PLEKHG1: variants seen among roughly 807,000 people sequenced by gnomAD.
PLEKHG1 encodes the protein pleckstrin homology domain-containing family G member 1.
Under a neutral mutation model 100.8 loss-of-function variants are expected in PLEKHG1, and 44 were observed. The observed-to-expected ratio is 0.44, with a 90% CI of 0.34 to 0.56. PLEKHG1 has a LOEUF of 0.56. Among genes scored for constraint, PLEKHG1 ranks in the 20% least tolerant of loss-of-function variants. The pLI is 0.01. For missense variants in PLEKHG1, 1,545 were observed against 1,720.9 expected (o/e 0.90, Z 1.81); for synonymous variants, 640 against 662.5 (o/e 0.97, Z 0.52).
chr6:150,753,298 G>GGT (rs1051744878), intron 2 of PLEKHG1, among the ~76,000 whole-genome samples: 2 of 151,916 alleles, frequency 1.3e-5, no homozygotes, highest in Non-Finnish European at 2.9e-5. Flanking sequence ...TTGTGGGGTG[G>GGT]GTGTGTGTGT....
In PLEKHG1 at chr6:150,818,232, T is replaced by C; in HGVS notation, c.1312+16T>C. On this transcript the variant is annotated intron_variant, in intron 11 of 15. Coordinates refer to ENST00000358517, the Ensembl canonical transcript of PLEKHG1. ...GATGCCATTCGTAAGTTTTATTTCC[T>C]TAAAACAATTTGAAATTTCATTGTC... 1 of 1,553,590 alleles carries C rather than the reference T, an allele frequency of 6.4e-7. No homozygotes were observed. Among genetic ancestry groups the C allele is most frequent in the Non-Finnish European group, 8.9e-7 (1 of 1,126,196 alleles).
chr6:150,699,789 G>A (rs1040109119), intron 3 of PLEKHG1, among the ~76,000 whole-genome samples: 2 of 152,152 alleles, frequency 1.3e-5, no homozygotes, highest in African/African-American at 4.8e-5. Context: ...TGAAGGCCAT[G>A]GATCCTCTTA....
At chr6:150,612,794 C>T (rs1776907987) in intron 1 of PLEKHG1, among the ~76,000 whole-genome samples, 1 of 152,188 alleles carries the variant, frequency 6.6e-6, no homozygotes, top group Non-Finnish European at 1.5e-5. Context: ...GCTTTACCTC[C>T]AGCATCCAGA....
chr6:150,810,050 C>T (rs1238233837), intron 10 of PLEKHG1, among the ~76,000 whole-genome samples: 4 of 152,006 alleles, frequency 2.6e-5, no homozygotes, highest in African/African-American at 7.2e-5. Flanking sequence ...AATCCCAGCA[C>T]GTTGGGAGGC....
intron 15 of PLEKHG1, among the ~76,000 whole-genome samples, chr6:150,838,417 TAA>T: frequency 6.6e-6 from 1 of 152,260 alleles, no homozygotes; most frequent in Non-Finnish European, 1.5e-5. Flanking sequence ...TTGAGATTTT[TAA>T]AAAGCTCATC....
intron 6 of PLEKHG1, among the ~76,000 whole-genome samples, chr6:150,804,175 A>ATATAT (rs1173213745): frequency 6.9e-5 from 3 of 43,172 alleles, no homozygotes; most frequent in Non-Finnish European, 1.2e-4. Context: ...ATATATATAT[A>ATATAT]TTTTTTTTTT....
In PLEKHG1 at chr6:150,622,158, G is replaced by A. The variant is rs117218973; in HGVS notation, c.-203-15922G>A. ...GAGAGCTGAATGAGCCTATCATGCT[G>A]TGGGGTCTCAGATGTATATAATTTT... On this transcript the variant is annotated intron_variant, in intron 1 of 3. Coordinates refer to the PLEKHG1 transcript ENST00000367326. 9.0e-3 allele frequency among the ~76,000 whole-genome samples: 1,378 copies of A among 152,308 alleles called. 13 individuals are homozygous for A. The highest frequency in any genetic ancestry group is 0.014 in the Non-Finnish European group (938 of 68,034).
chr6:150,709,216 C>T (rs1333309981), intron 3 of PLEKHG1, among the ~76,000 whole-genome samples: 1 of 152,078 alleles, frequency 6.6e-6, no homozygotes, highest in Non-Finnish European at 1.5e-5. Context: ...GCCTGTAGTT[C>T]CCAGCTACTT....
exon 16 of PLEKHG1, chr6:150,839,899 T>C (rs1305744868): frequency 6.2e-7 from 1 of 1,614,068 alleles, no homozygotes; most frequent in African/African-American, 1.3e-5. Flanking sequence ...CCCTTGAAAA[T>C]TCAGAAGGAT....
At chr6:150,776,291 G>A (rs1784958210) in intron 3 of PLEKHG1, among the ~76,000 whole-genome samples, 1 of 152,382 alleles carries the variant, frequency 6.6e-6, no homozygotes, top group Non-Finnish European at 1.5e-5. Context: ...AAGGCAAGAT[G>A]ACTCTAATTT....
At position 150,666,799 on chromosome 6, in the gene PLEKHG1, C is replaced by T. The variant is rs185890003; in HGVS notation, c.-99+16013C>T. Among the ~76,000 whole-genome samples, 1,019 of 149,940 alleles carry T rather than the reference C, an allele frequency of 6.8e-3. 13 individuals are homozygous for T. Among genetic ancestry groups the T allele is most frequent in the African/African-American group, 0.024 (962 of 40,778 alleles). ...TTTTTGAGATGGAGTCTCACTCTGT[C>T]GCCCAGGCTGGAGTGCAGTGGCGCA... is the stretch of plus-strand genomic sequence containing the variant. On this transcript the variant is annotated intron_variant, in intron 3 of 3. Coordinates refer to the PLEKHG1 transcript ENST00000367326.
At chr6:150,722,255 T>A (rs1275259427) in intron 1 of PLEKHG1, among the ~76,000 whole-genome samples, 2 of 152,110 alleles carry the variant, frequency 1.3e-5, no homozygotes, top group East Asian at 1.9e-4. Flanking sequence ...TTTAATCATT[T>A]TACATTGTAC....
rs1184165418 is a variant in PLEKHG1, at chr6:150,612,056, C to CG, written c.-204+12039_-204+12040insG. On this transcript the variant is annotated intron_variant, in intron 1 of 3. Coordinates refer to the PLEKHG1 transcript ENST00000367326. ...CTTCCTGGTGTTGTTCCCCCCCCCC[C>CG]CCCCTTTTCTAGTTCTTAGTTAATA... Among the ~76,000 whole-genome samples, 17 of 107,932 alleles carry CG rather than the reference C, an allele frequency of 1.6e-4. No homozygotes were observed. The South Asian group carries it at 6.3e-3, about 40-fold the overall frequency. 70.8% of individuals were successfully genotyped at this position (107,932 alleles called of 152,430 possible). A position where few individuals can be genotyped will look rare whatever the true frequency, so the allele number is the denominator to read the frequency against.
chr6:150,733,299 A>G (rs1236072781), intron 1 of PLEKHG1, among the ~76,000 whole-genome samples: 1 of 152,158 alleles, frequency 6.6e-6, no homozygotes, highest in Non-Finnish European at 1.5e-5. Flanking sequence ...GTGTTTCTCA[A>G]ACTTTAATGC....
intron 6 of PLEKHG1, among the ~76,000 whole-genome samples, chr6:150,804,262 T>C (rs1447928918): frequency 7.2e-6 from 1 of 139,234 alleles, no homozygotes; most frequent in Non-Finnish European, 1.5e-5. Flanking sequence ...TCTCAGCTCA[T>C]TGCAACCTCT....
At chr6:150,792,402 G>A (rs972093996) in intron 4 of PLEKHG1, among the ~76,000 whole-genome samples, 3 of 149,266 alleles carry the variant, frequency 2.0e-5, no homozygotes, top group Non-Finnish European at 3.0e-5. Context: ...GGCTGGGCGC[G>A]GTGGCTCACA....
chr6:150,720,148 T>C (rs2128608875), upstream of PLEKHG1, among the ~76,000 whole-genome samples: 1 of 152,342 alleles, frequency 6.6e-6, no homozygotes, highest in Admixed American at 6.5e-5. Context: ...TAATCCATAT[T>C]TTGAATTTGA....
chr6:150,751,470 A>G (rs903805619), intron 2 of PLEKHG1, among the ~76,000 whole-genome samples: 2 of 152,196 alleles, frequency 1.3e-5, no homozygotes, highest in African/African-American at 4.8e-5. Context: ...ATGACTAGCG[A>G]TGGCATCTCC....
At chr6:150,633,750 G>C (rs1777861510) in intron 1 of PLEKHG1, among the ~76,000 whole-genome samples, 1 of 152,136 alleles carries the variant, frequency 6.6e-6, no homozygotes, top group African/African-American at 2.4e-5. Context: ...GAGAGAGGGA[G>C]CGTAGGCTCT....
Sources: allele counts gnomAD v4.1 joint callset (sites outside exome capture counted in the v4.1 genomes callset), GRCh38; gene constraint gnomAD v4.1.1; transcripts MANE v1.5; gene names NCBI Gene and HGNC (gene_info 2026-07-23, HGNC 2026-07-21).